MCC: variants seen among roughly 807,000 people sequenced by gnomAD.
MCC encodes MCC regulator of Wnt signaling pathway, also known as colorectal mutant cancer protein.
MCC carries 90 observed loss-of-function variants against 116.2 expected under a neutral mutation model. That is an observed-to-expected ratio of 0.77 (90% confidence interval 0.65 to 0.92). The LOEUF (loss-of-function observed/expected upper bound fraction) is 0.92. Among genes scored for constraint, MCC ranks in the 40% least tolerant of loss-of-function variants. The pLI is 0.00. For synonymous variants in MCC, 578 were observed against 510.5 expected (o/e 1.13, Z -1.78); for missense variants, 1,516 against 1,312.2 (o/e 1.16, Z -2.40).
chr5:113,295,746 G>T (rs1766692871), intron 3 of MCC, among the ~76,000 whole-genome samples: 2 of 152,144 alleles, frequency 1.3e-5, no homozygotes, highest in South Asian at 2.1e-4. Context: ...GGGGAACTAG[G>T]ATTTTTCTCT....
chr5:113,089,512 T>C lies in MCC; in HGVS notation c.1399-4202A>G, dbSNP rs138176023. Among the ~76,000 whole-genome samples, 451 of 152,284 alleles carry C rather than the reference T, an allele frequency of 3.0e-3. 1 individual carries two copies. Among genetic ancestry groups the C allele is most frequent in the Non-Finnish European group, 5.1e-3 (344 of 68,034 alleles). ...GGTTCAGATAGGAAATTATGAGGGCTCAAATACAGTCAGCGAAGTGGGAAT... is the reference window on the plus strand; with the variant it reads ...GGTTCAGATAGGAAATTATGAGGGCCCAAATACAGTCAGCGAAGTGGGAAT... On this transcript the variant is annotated intron_variant, in intron 8 of 18. Transcript: ENST00000408903.
chr5:113,284,699 C>T (rs541150552), intron 3 of MCC, among the ~76,000 whole-genome samples: 3 of 152,324 alleles, frequency 2.0e-5, no homozygotes, highest in South Asian at 4.1e-4. Context: ...AATAGCACCA[C>T]CCAATAGAAG....
intron 8 of MCC, among the ~76,000 whole-genome samples, chr5:113,101,113 A>C (rs1459656443): frequency 6.6e-6 from 1 of 152,160 alleles, no homozygotes; most frequent in African/African-American, 2.4e-5. Flanking sequence ...ACAAAATGAT[A>C]CTCAAACTAG....
At chr5:113,325,760 T>C (rs970525733) in intron 3 of MCC, among the ~76,000 whole-genome samples, 3 of 152,220 alleles carry the variant, frequency 2.0e-5, no homozygotes, top group African/African-American at 4.8e-5. Flanking sequence ...AGAGTCACTT[T>C]ACAGTTGAAT....
intron 3 of MCC, among the ~76,000 whole-genome samples, chr5:113,222,820 T>C (rs954890098): frequency 1.3e-5 from 2 of 152,160 alleles, no homozygotes; most frequent in African/African-American, 4.8e-5. Flanking sequence ...CTGCACCCAG[T>C]GCACTGTCAG....
intron 8 of MCC, among the ~76,000 whole-genome samples, chr5:113,088,232 C>A (rs990433063): frequency 1.3e-5 from 2 of 152,032 alleles, no homozygotes; most frequent in Non-Finnish European, 1.5e-5. Flanking sequence ...GGTTAAGTGG[C>A]CTTCTCCCCC....
intron 3 of MCC, among the ~76,000 whole-genome samples, chr5:113,262,185 T>C (rs1249167535): frequency 6.6e-6 from 1 of 152,168 alleles, no homozygotes; most frequent in Non-Finnish European, 1.5e-5. Context: ...TGTCCTGCAC[T>C]TTCAGGCTCC....
At chr5:113,085,847 C>G (rs1027069453) in intron 8 of MCC, among the ~76,000 whole-genome samples, 3 of 152,118 alleles carry the variant, frequency 2.0e-5, no homozygotes, top group East Asian at 1.9e-4. Context: ...ACACACCACA[C>G]CTGGCTAATT....
At chr5:113,159,148 GCT>G (rs1760343390) in intron 3 of MCC, among the ~76,000 whole-genome samples, 1 of 152,242 alleles carries the variant, frequency 6.6e-6, no homozygotes, top group South Asian at 2.1e-4. Context: ...TCCTTTCTGT[GCT>G]TTTTTGTCCT....
rs558273155 is a variant in MCC, at chr5:113,024,889, TA to T, written c.*2412del. The T allele has an allele frequency of 3.9e-3, 588 of 152,330 alleles. 3 individuals are homozygous for T. The highest frequency in any genetic ancestry group is 0.013 in the African/African-American group (540 of 41,566). The allele number at this position is 152,330 out of a possible 1,614,324, so 9.4% of individuals were successfully genotyped here. A position where few individuals can be genotyped will look rare whatever the true frequency, so the allele number is the denominator to read the frequency against. ...ATAGCTTTTTTATTATACATATTTATAAAAAATTAACACTTTTGCCTGCAAA... is the reference window on the plus strand; with the variant it reads ...ATAGCTTTTTTATTATACATATTTATAAAAATTAACACTTTTGCCTGCAAA... On this transcript the variant is annotated 3_prime_UTR_variant, in exon 19 of 19. Coordinates refer to ENST00000408903, the MANE Select transcript of MCC (RefSeq NM_001085377.2).
At chr5:113,180,793 T>C (rs1278884612) in intron 3 of MCC, among the ~76,000 whole-genome samples, 1 of 152,192 alleles carries the variant, frequency 6.6e-6, no homozygotes, top group African/African-American at 2.4e-5. Context: ...TTTAAGGTAA[T>C]TTTTATTTTA....
Position 113,022,476 on chromosome 5 carries a change from A to G in MCC, c.*4826T>C, listed in dbSNP as rs1750210425. 1 of 152,648 alleles carries G rather than the reference A, an allele frequency of 6.6e-6. No homozygotes were observed. Among genetic ancestry groups the G allele is most frequent in the Admixed American group, 6.5e-5 (1 of 15,280 alleles). 9.5% of individuals were successfully genotyped at this position (152,648 alleles called of 1,614,324 possible). ...AATAATAGGAAACAAATCTCATGCA[A>G]AGTAAATAAATCTTGATGTCTAAAA... On this transcript the variant is annotated 3_prime_UTR_variant, in exon 19 of 19. Transcript: ENST00000408903.
chr5:113,162,665 T>TTTG (rs143985819), intron 3 of MCC, among the ~76,000 whole-genome samples: 106 of 151,844 alleles, frequency 7.0e-4, no homozygotes, highest in Non-Finnish European at 1.3e-3. Flanking sequence ...TCCAACTAAT[T>TTTG]TTGTTGTTGT....
chr5:113,144,494 G>C (rs534223096), intron 4 of MCC, among the ~76,000 whole-genome samples: 1 of 152,320 alleles, frequency 6.6e-6, no homozygotes, highest in Non-Finnish European at 1.5e-5. Flanking sequence ...TCTCCAGTGA[G>C]AGTAGGACTT....
chr5:113,149,719 C>T (rs557898726), intron 4 of MCC, among the ~76,000 whole-genome samples: 5 of 152,012 alleles, frequency 3.3e-5, no homozygotes, highest in African/African-American at 7.2e-5. Context: ...TCTCTGAATT[C>T]CCACATAAAA....
intron 3 of MCC, among the ~76,000 whole-genome samples, chr5:113,251,839 C>T (rs536342940): frequency 1.3e-5 from 2 of 152,234 alleles, no homozygotes; most frequent in African/African-American, 2.4e-5. Flanking sequence ...GCATATTCAA[C>T]GACGCCTACA....
rs117595307 is a variant in MCC, at chr5:113,214,583, C to G, written c.628-63161G>C. Among the ~76,000 whole-genome samples the G allele has an allele frequency of 4.0e-4, 61 of 152,288 alleles. No individual in the cohort carries two copies. In the East Asian group the frequency reaches 0.012, roughly 29 times the overall value. Reference sequence around the variant, plus strand: ...TTCTTGACTCCTTCTGCTTCTTCATCCAAGCCCCAGCCTTATCAGTATCAG... The same window carrying G: ...TTCTTGACTCCTTCTGCTTCTTCATGCAAGCCCCAGCCTTATCAGTATCAG... On this transcript the variant is annotated intron_variant, in intron 3 of 18. Transcript: ENST00000408903.
chr5:113,122,855 T>C (rs1757818709), intron 5 of MCC, 29 bp from the exon 6 acceptor site: 3 of 1,611,382 alleles, frequency 1.9e-6, no homozygotes, highest in Admixed American at 1.7e-5. Context: ...TGGCAACCAC[T>C]AACAGAGGAT....
At chr5:113,316,128 C>A (rs754245664) in intron 3 of MCC, among the ~76,000 whole-genome samples, 2 of 151,714 alleles carry the variant, frequency 1.3e-5, no homozygotes, top group Middle Eastern at 3.2e-3. Flanking sequence ...TATTGGCACA[C>A]GCCTGTAATC....
Sources: allele counts gnomAD v4.1 joint callset (sites outside exome capture counted in the v4.1 genomes callset), GRCh38; gene constraint gnomAD v4.1.1; transcripts MANE v1.5; gene names NCBI Gene and HGNC (gene_info 2026-07-23, HGNC 2026-07-21).